KIAA0232: variants seen among roughly 807,000 people sequenced by gnomAD.
The protein encoded by KIAA0232 is KIAA0232.
A neutral mutation model predicts 122.0 loss-of-function variants in KIAA0232; 27 were observed. The ratio of observed to expected loss-of-function variants is 0.22; its 90% CI spans 0.16 to 0.31. The LOEUF is 0.31. Ranked by LOEUF, KIAA0232 falls within the 10% of genes least tolerant of loss-of-function variation. The pLI is 1.00. For synonymous variants in KIAA0232, 613 were observed against 587.6 expected (o/e 1.04, Z -0.63); for missense variants, 1,551 against 1,634.2 (o/e 0.95, Z 0.88).
intron 4 of KIAA0232, among the ~76,000 whole-genome samples, chr4:6,844,984 T>A (rs182804030): frequency 8.5e-5 from 13 of 152,350 alleles, no homozygotes; most frequent in African/African-American, 3.1e-4. Context: ...AAAGTCACTT[T>A]CGGTAACAAC....
intron 7 of KIAA0232, among the ~76,000 whole-genome samples, chr4:6,868,719 T>TA (rs1256317254): frequency 6.6e-6 from 1 of 152,224 alleles, no homozygotes; most frequent in African/African-American, 2.4e-5. Flanking sequence ...GTTGAATTAA[T>TA]ACATTCGATG....
At chr4:6,837,086 G>T (rs1026798157) in intron 3 of KIAA0232, among the ~76,000 whole-genome samples, 16 of 151,802 alleles carry the variant, frequency 1.1e-4, no homozygotes, top group Non-Finnish European at 2.4e-4. Flanking sequence ...GGTGGCGGCC[G>T]GGCAGAGGGG....
At chr4:6,784,355 G>C (rs960011054) in intron 1 of KIAA0232, among the ~76,000 whole-genome samples, 1 of 150,284 alleles carries the variant, frequency 6.7e-6, no homozygotes, top group African/African-American at 2.5e-5. Context: ...GCCCAAGCTA[G>C]ATTCTTCCTA....
chr4:6,852,749 G>T (rs553676492), intron 4 of KIAA0232, among the ~76,000 whole-genome samples: 15 of 152,354 alleles, frequency 9.8e-5, no homozygotes, highest in Admixed American at 8.5e-4. Context: ...CTTGGGGTCT[G>T]TGATGGCAGG....
intron 6 of KIAA0232, among the ~76,000 whole-genome samples, chr4:6,859,910 C>T (rs1163832564): frequency 6.6e-6 from 1 of 152,208 alleles, no homozygotes; most frequent in African/African-American, 2.4e-5. Context: ...GCCTCCCTGG[C>T]TTTTTCTACG....
rs1405603867 is a variant in KIAA0232, at chr4:6,864,260, A to C, written c.3801+77A>C. 4.9e-6 allele frequency: 7 copies of C among 1,437,996 alleles called. No individual in the cohort carries two copies. In the African/African-American group the frequency reaches 8.6e-5, roughly 18 times the overall value. The allele number at this position is 1,437,996 out of a possible 1,614,324, so 89.1% of individuals were successfully genotyped here. A position where few individuals can be genotyped will look rare whatever the true frequency, so the allele number is the denominator to read the frequency against. Reference sequence around the variant, plus strand: ...CCAAGAACAGACATGCCAGTCAATGAAAGATAGGGTTAAATTATTGGGAAA... The same window carrying C: ...CCAAGAACAGACATGCCAGTCAATGCAAGATAGGGTTAAATTATTGGGAAA... On this transcript the variant is annotated intron_variant, in intron 7 of 9. Coordinates refer to ENST00000307659, the MANE Select transcript of KIAA0232 (RefSeq NM_014743.3).
chr4:6,795,483 T>C (rs556817441), intron 1 of KIAA0232, among the ~76,000 whole-genome samples: 12 of 152,246 alleles, frequency 7.9e-5, no homozygotes, highest in African/African-American at 2.9e-4. Flanking sequence ...ACATATATCA[T>C]TAATTTTTAC....
At chr4:6,817,823 T>G (rs1488055979) in intron 2 of KIAA0232, among the ~76,000 whole-genome samples, 1 of 152,184 alleles carries the variant, frequency 6.6e-6, no homozygotes, top group Non-Finnish European at 1.5e-5. Context: ...TTCTACCAAT[T>G]TTTGTTTCAT....
intron 4 of KIAA0232, among the ~76,000 whole-genome samples, chr4:6,843,686 C>A (rs1719785116): frequency 6.6e-6 from 1 of 152,090 alleles, no homozygotes; most frequent in Non-Finnish European, 1.5e-5. Context: ...AGGAGAATCA[C>A]TTGAACCTGG....
Position 6,800,043 on chromosome 4 carries a change from C to CTTTTTTTTTTT in KIAA0232, c.-353-4458_-353-4448dup, listed in dbSNP as rs752428517. 6.8e-3 allele frequency among the ~76,000 whole-genome samples: 405 copies of CTTTTTTTTTTT among 59,926 alleles called. 44 individuals carry two copies. The highest frequency in any genetic ancestry group is 9.4e-3 in the Non-Finnish European group (263 of 27,998). 39.3% of individuals were successfully genotyped at this position (59,926 alleles called of 152,430 possible). A position where few individuals can be genotyped will look rare whatever the true frequency, so the allele number is the denominator to read the frequency against. ...TTTCTTTTTCTTTCTTTCTTTCTTT[C>CTTTTTTTTTTT]TTTTTTTTTTTTTTTTTTTTTTTTT... On this transcript the variant is annotated intron_variant, in intron 1 of 9. Transcript: ENST00000307659.
intron 3 of KIAA0232, among the ~76,000 whole-genome samples, chr4:6,834,861 T>A (rs1015533599): frequency 6.6e-6 from 1 of 152,190 alleles, no homozygotes; most frequent in African/African-American, 2.4e-5. Context: ...CTCTTGAGTT[T>A]AAAAGAGAGT....
At position 6,882,621 on chromosome 4, in the gene KIAA0232, G is replaced by GTGTGT. The variant is rs1560219031; in HGVS notation, c.*1655_*1656insTGTGT. The stretch of plus-strand genomic sequence containing the variant: ...ACACATTTTTTGACACTTTAAGGTG[G>GTGTGT]GTGGGTGTGTGTGTGTGTGTGTGTG... On this transcript the variant is annotated 3_prime_UTR_variant, in exon 10 of 10. Coordinates refer to ENST00000307659, the MANE Select transcript of KIAA0232 (RefSeq NM_014743.3). The GTGTGT allele has an allele frequency of 3.6e-5, 5 of 137,604 alleles. No homozygotes were observed. Among genetic ancestry groups the GTGTGT allele is most frequent in the African/African-American group, 1.4e-4 (5 of 36,312 alleles). The allele number at this position is 137,604 out of a possible 1,614,324, so 8.5% of individuals were successfully genotyped here.
intron 1 of KIAA0232, among the ~76,000 whole-genome samples, chr4:6,792,109 C>G (rs566712265): frequency 6.6e-6 from 1 of 152,182 alleles, no homozygotes; most frequent in East Asian, 1.9e-4. Flanking sequence ...TCAATGAAAC[C>G]TCTTTCCTTT....
In KIAA0232 at chr4:6,818,709, GA is replaced by G. The variant is rs113046859; in HGVS notation, c.-269-5463del. On this transcript the variant is annotated intron_variant, in intron 2 of 9. Transcript: ENST00000307659. ...ACTAATGTCATTTTTCACAGAACTG[GA>G]AAAAAAAAAAAACTATTACAAAATT... Among the ~76,000 whole-genome samples, 582 of 137,166 alleles carry G rather than the reference GA, an allele frequency of 4.2e-3. 4 individuals carry two copies. The highest frequency in any genetic ancestry group is 0.014 in the Middle Eastern group (4 of 276). The allele number at this position is 137,166 out of a possible 152,430, so 90.0% of individuals were successfully genotyped here. A position where few individuals can be genotyped will look rare whatever the true frequency, so the allele number is the denominator to read the frequency against.
chr4:6,793,249 G>A lies in KIAA0232; in HGVS notation c.-354+10408G>A, dbSNP rs1716985737. On this transcript the variant is annotated intron_variant, in intron 1 of 9. Coordinates refer to ENST00000307659, the MANE Select transcript of KIAA0232 (RefSeq NM_014743.3). The stretch of plus-strand genomic sequence containing the variant: ...TTAGAATGTGTATATAAACAACATT[G>A]CATATTATGCTTGAGCCATTAAAAA... Among the ~76,000 whole-genome samples the A allele has an allele frequency of 2.0e-5, 3 of 152,176 alleles. No homozygotes were observed. The East Asian group carries it at 5.8e-4, about 29-fold the overall frequency.
intron 1 of KIAA0232, among the ~76,000 whole-genome samples, chr4:6,801,854 G>A (rs1717399106): frequency 6.6e-6 from 1 of 152,174 alleles, no homozygotes; most frequent in Non-Finnish European, 1.5e-5. Flanking sequence ...TTTTGTGCAT[G>A]TGCTGAAATC....
chr4:6,787,443 C>A (rs373795791), intron 1 of KIAA0232, among the ~76,000 whole-genome samples: 2 of 152,138 alleles, frequency 1.3e-5, no homozygotes, highest in African/African-American at 4.8e-5. Flanking sequence ...ATTCCTGTTG[C>A]TTTGTAGTAC....
At chr4:6,831,203 G>A (rs184670099) in intron 3 of KIAA0232, among the ~76,000 whole-genome samples, 9 of 152,012 alleles carry the variant, frequency 5.9e-5, no homozygotes, top group Admixed American at 2.0e-4. Flanking sequence ...TTACAGGTGC[G>A]CGCCACCACG....
intron 4 of KIAA0232, among the ~76,000 whole-genome samples, chr4:6,844,461 C>T (rs1056630840): frequency 4.0e-5 from 6 of 151,104 alleles, no homozygotes; most frequent in African/African-American, 9.7e-5. Context: ...TTTTTTGAGA[C>T]GACAGAGTCT....
Sources: allele counts gnomAD v4.1 joint callset (sites outside exome capture counted in the v4.1 genomes callset), GRCh38; gene constraint gnomAD v4.1.1; transcripts MANE v1.5; gene names NCBI Gene and HGNC (gene_info 2026-07-23, HGNC 2026-07-21).